DPEP1: variants seen among roughly 807,000 people sequenced by gnomAD.
DPEP1 encodes dipeptidase 1, also known as beta-lactamase.
In DPEP1, 50 loss-of-function variants were observed where a neutral mutation model predicts 42.3. The observed-to-expected ratio is 1.18, with a 90% CI of 0.94 to 1.50. DPEP1 has a LOEUF of 1.50. Among genes scored for constraint, DPEP1 ranks in the 40% most tolerant of loss-of-function variants. The pLI is 0.00. For synonymous variants in DPEP1, 297 were observed against 234.0 expected, an observed-to-expected ratio of 1.27 and a Z score of -2.46; for missense variants, 663 against 553.0, an observed-to-expected ratio of 1.20 and a Z score of -1.99.
chr16:89,636,737 G>C, intron 5 of DPEP1, 54 bp downstream of exon 5: 1 of 1,604,992 alleles, frequency 6.2e-7, no homozygotes. Flanking sequence ...GGAGGGGGCA[G>C]ACACTCCCTG....
intron 1 of DPEP1, among the ~76,000 whole-genome samples, chr16:89,621,349 T>G (rs1597745844): frequency 7.8e-6 from 1 of 128,350 alleles, no homozygotes. Flanking sequence ...AGCCTCAGGG[T>G]GGGCTGGACG....
chr16:89,622,500 C>T (rs2059456939), intron 1 of DPEP1, among the ~76,000 whole-genome samples: 1 of 152,102 alleles, frequency 6.6e-6, no homozygotes. Flanking sequence ...GAATAACGCA[C>T]TCGGGCCGGG....
At chr16:89,633,572 G>A (rs1382498489) in intron 2 of DPEP1, among the ~76,000 whole-genome samples, 1 of 152,096 alleles carries the variant, frequency 6.6e-6, no homozygotes. Flanking sequence ...AGCTGGAAAT[G>A]ATTAACAGTT....
Position 89,630,380 on chromosome 16 carries a change from G to A in DPEP1, c.-31G>A. ...AGGCCAGCACAGAGGCACCAGGGCAGCAGTGCACACAGGTCCCCGGGGACC... is the reference window on the plus strand; with the variant it reads ...AGGCCAGCACAGAGGCACCAGGGCAACAGTGCACACAGGTCCCCGGGGACC... On this transcript the variant is annotated 5_prime_UTR_variant, in exon 2 of 11. Transcript: ENST00000690203. 3 of 1,574,654 alleles carry A rather than the reference G, an allele frequency of 1.9e-6. No individual in the cohort carries two copies. Among genetic ancestry groups the A allele is most frequent in the South Asian group, 1.1e-5 (1 of 89,600 alleles).
At chr16:89,624,686 A>C (rs1480104848) in intron 1 of DPEP1, among the ~76,000 whole-genome samples, 1 of 151,818 alleles carries the variant, frequency 6.6e-6, no homozygotes, top group Non-Finnish European at 1.5e-5. Flanking sequence ...AGGCGCCCGC[A>C]ACCACGCCCG....
In DPEP1 at chr16:89,637,112, G is replaced by A. The variant is rs1471590361; in HGVS notation, c.592-92G>A. ...TGAGTGGCCCCGGACTTCCAGCCAC[G>A]AAGGATGATGACTCACATCTGGTCC... On this transcript the variant is annotated intron_variant, in intron 6 of 10. Coordinates refer to ENST00000690203, the MANE Select transcript of DPEP1 (RefSeq NM_001389466.1). 1.3e-5 allele frequency: 20 copies of A among 1,540,530 alleles called. No individual in the cohort carries two copies. The East Asian group carries it at 2.0e-4, about 16-fold the overall frequency.
chr16:89,628,280 A>C, intron 1 of DPEP1, among the ~76,000 whole-genome samples: 1 of 123,340 alleles, frequency 8.1e-6, no homozygotes, highest in African/African-American at 3.0e-5. Flanking sequence ...TTTGTGAGAT[A>C]GAGATTTACT....
downstream of DPEP1, among the ~76,000 whole-genome samples, chr16:89,639,030 ACC>A (rs1238047527): frequency 2.5e-5 from 1 of 39,216 alleles, no homozygotes. Context: ...GCACGCACAC[ACC>A]CCCCACCCCT....
At chr16:89,624,538 T>TA (rs1312415930) in intron 1 of DPEP1, among the ~76,000 whole-genome samples, 1 of 62,420 alleles carries the variant, frequency 1.6e-5, no homozygotes, top group African/African-American at 3.9e-5. Context: ...CTGGGGTTTG[T>TA]TTTTTTTTTG....
At chr16:89,621,835 GCGCCCAGGTGTTCT>G (rs2059450405) in intron 1 of DPEP1, among the ~76,000 whole-genome samples, 1 of 152,220 alleles carries the variant, frequency 6.6e-6, no homozygotes, top group South Asian at 2.1e-4. Flanking sequence ...GGCTTGCGAT[GCGCCCAGGTGTTCT>G]CGTCTGCGAT....
intron 1 of DPEP1, among the ~76,000 whole-genome samples, chr16:89,626,745 C>A (rs570598677): frequency 6.6e-6 from 1 of 152,116 alleles, no homozygotes; most frequent in Admixed American, 6.5e-5. Flanking sequence ...CCTTTGCCTT[C>A]GGCCATGATT....
chr16:89,623,912 A>G (rs1425345669), intron 1 of DPEP1, among the ~76,000 whole-genome samples: 2 of 152,134 alleles, frequency 1.3e-5, no homozygotes, highest in Non-Finnish European at 1.5e-5. Flanking sequence ...CACGTGGCTG[A>G]GAAGTCGTGG....
intron 6 of DPEP1, 122 bp downstream of exon 6, chr16:89,637,057 A>T (rs2059690473): frequency 6.6e-7 from 1 of 1,526,460 alleles, no homozygotes; most frequent in Non-Finnish European, 8.8e-7. Flanking sequence ...TGGAGCTGGC[A>T]GCCATCCCCC....
At chr16:89,618,630 G>C (rs1484514097) in intron 1 of DPEP1, among the ~76,000 whole-genome samples, 1 of 152,006 alleles carries the variant, frequency 6.6e-6, no homozygotes, top group South Asian at 2.1e-4. Flanking sequence ...AGCTTCCCAA[G>C]TAACTGTGAC....
intron 2 of DPEP1, among the ~76,000 whole-genome samples, chr16:89,635,390 A>G (rs2059663486): frequency 6.6e-6 from 1 of 152,126 alleles, no homozygotes; most frequent in African/African-American, 2.4e-5. Flanking sequence ...GTAGCCCCCA[A>G]AGCCTGTACT....
chr16:89,630,696 G>A (rs1320149802), intron 2 of DPEP1, among the ~76,000 whole-genome samples, 182 bp downstream of exon 2: 2 of 94,414 alleles, frequency 2.1e-5, no homozygotes, highest in Admixed American at 1.1e-4. Context: ...TGGGGGTGCC[G>A]GGGCTGGGGG....
chr16:89,638,466 G>A (rs2059713302), downstream of DPEP1: 8 of 1,308,012 alleles, frequency 6.1e-6, no homozygotes, highest in Non-Finnish European at 7.8e-6. Flanking sequence ...ATCCGGCTCA[G>A]GAGGTGGGGT....
intron 1 of DPEP1, among the ~76,000 whole-genome samples, chr16:89,627,134 G>C (rs540162794): frequency 6.6e-6 from 1 of 152,048 alleles, no homozygotes; most frequent in South Asian, 2.1e-4. Flanking sequence ...TTAGCCGGGC[G>C]TGGTGGCGGG....
At chr16:89,638,980 A>T (rs2059721189), downstream of DPEP1, among the ~76,000 whole-genome samples, 1 of 64,718 alleles carries the variant, frequency 1.5e-5, no homozygotes, top group East Asian at 6.7e-4. Flanking sequence ...CCCTGCACAC[A>T]CACACCCCAC....
Sources: allele counts gnomAD v4.1 joint callset (sites outside exome capture counted in the v4.1 genomes callset), GRCh38; gene constraint gnomAD v4.1.1; transcripts MANE v1.5; gene names NCBI Gene and HGNC (gene_info 2026-07-23, HGNC 2026-07-21).